The following CNBD1 variants were observed in gnomAD, a reference collection of about 807,000 sequenced individuals.
CNBD1 encodes the protein cyclic nucleotide binding domain containing 1.
CNBD1 carries 71 observed loss-of-function variants against 54.4 expected under a neutral mutation model. The observed-to-expected ratio is 1.30, with a 90% CI of 1.08 to 1.59. The LOEUF is 1.59. Ranked by LOEUF, CNBD1 falls within the 40% of genes most tolerant of loss-of-function variation. The pLI is 0.00. For synonymous variants in CNBD1, 182 were observed against 170.7 expected (o/e 1.07, Z -0.51); for missense variants, 659 against 518.0 (o/e 1.27, Z -2.64).
At chr8:87,428,584 G>T (rs1009284280) in exon 3 of CNBD1, 3 of 454,844 alleles carry the variant, frequency 6.6e-6, no homozygotes, top group African/African-American at 2.0e-5. Flanking sequence ...GCTCCAAACA[G>T]CTAAACCAAC....
chr8:87,189,467 A>C (rs536027253), intron 4 of CNBD1, among the ~76,000 whole-genome samples: 2 of 152,176 alleles, frequency 1.3e-5, no homozygotes, highest in East Asian at 3.8e-4. Flanking sequence ...ATATGCTACT[A>C]TAGTATTCTG....
At chr8:87,148,010 G>A (rs1461079158) in intron 4 of CNBD1, among the ~76,000 whole-genome samples, 3 of 152,156 alleles carry the variant, frequency 2.0e-5, no homozygotes, top group African/African-American at 4.8e-5. Flanking sequence ...TTTTCTTTTA[G>A]CATGTTAAAT....
intron 8 of CNBD1, among the ~76,000 whole-genome samples, chr8:87,291,498 C>T (rs10087136): frequency 0.24 from 35,986 of 151,818 alleles, 4,402 homozygotes; most frequent in South Asian, 0.28. Context: ...GTTACATATC[C>T]GCCTCCTTCT....
At chr8:87,224,759 G>T (rs1814438145) in intron 5 of CNBD1, among the ~76,000 whole-genome samples, 1 of 150,728 alleles carries the variant, frequency 6.6e-6, no homozygotes, top group African/African-American at 2.5e-5. Context: ...CTTTAAAGTA[G>T]TTTTTTCCAA....
intron 4 of CNBD1, among the ~76,000 whole-genome samples, chr8:87,135,305 A>C (rs955404710): frequency 6.6e-6 from 1 of 151,904 alleles, no homozygotes; most frequent in Admixed American, 6.6e-5. Context: ...TGGAAAAGCA[A>C]ATGTATTTAA....
rs1171895032 is a variant in CNBD1 at position 87,281,575 on chromosome 8, T to G, written c.772-3103T>G. On this transcript the variant is annotated intron_variant, in intron 6 of 10. Coordinates refer to ENST00000518476, the MANE Select transcript of CNBD1 (RefSeq NM_173538.3). ...ATATATATATATATATATATATATA[T>G]ATATATATATATATATATATATATA... 6.5e-4 allele frequency among the ~76,000 whole-genome samples: 35 copies of G among 53,712 alleles called. 1 individual carries two copies. Among genetic ancestry groups the G allele is most frequent in the Admixed American group, 1.9e-3 (11 of 5,746 alleles). 35.2% of individuals were successfully genotyped at this position (53,712 alleles called of 152,430 possible).
rs1808493781 is a variant in CNBD1 at position 86,874,989 on chromosome 8, TA to T, written c.88+8407del. ...TTATATTTGTTTGTAAATCAATTTATATATATATATATATATATATATATAT... is the reference window on the plus strand; with the variant it reads ...TTATATTTGTTTGTAAATCAATTTATTATATATATATATATATATATATAT... On this transcript the variant is annotated intron_variant, in intron 1 of 10. Coordinates refer to ENST00000518476, the MANE Select transcript of CNBD1 (RefSeq NM_173538.3). Among the ~76,000 whole-genome samples the T allele has an allele frequency of 1.1e-3, 17 of 15,718 alleles. 1 individual carries two copies. Among genetic ancestry groups the T allele is most frequent in the Admixed American group, 3.9e-3 (5 of 1,270 alleles). 10.3% of individuals were successfully genotyped at this position (15,718 alleles called of 152,430 possible). A position where few individuals can be genotyped will look rare whatever the true frequency, so the allele number is the denominator to read the frequency against.
At chr8:87,298,034 A>G (rs1278773287) in intron 8 of CNBD1, among the ~76,000 whole-genome samples, 1 of 151,888 alleles carries the variant, frequency 6.6e-6, no homozygotes, top group African/African-American at 2.4e-5. Context: ...TTATTAATAT[A>G]GATTTGTATA....
chr8:86,937,420 C>T (rs986249408), intron 3 of CNBD1, among the ~76,000 whole-genome samples: 3 of 152,098 alleles, frequency 2.0e-5, no homozygotes, highest in Admixed American at 6.6e-5. Context: ...ATTTCAAAAC[C>T]AATTGTACCT....
intron 8 of CNBD1, among the ~76,000 whole-genome samples, chr8:87,306,034 A>G (rs192738623): frequency 5.9e-5 from 9 of 152,300 alleles, no homozygotes; most frequent in Non-Finnish European, 1.3e-4. Flanking sequence ...TCCAGAATCT[A>G]CAACAAACTC....
At chr8:87,398,398 A>G (rs1345893314) in intron 2 of CNBD1, among the ~76,000 whole-genome samples, 3 of 151,832 alleles carry the variant, frequency 2.0e-5, no homozygotes, top group Non-Finnish European at 4.4e-5. Context: ...GTTCTACATG[A>G]GCCTATTTGT....
intron 5 of CNBD1, among the ~76,000 whole-genome samples, chr8:87,224,723 C>A (rs369576982): frequency 0.39 from 59,298 of 150,644 alleles, 12,988 homozygotes; most frequent in Non-Finnish European, 0.49. Context: ...CTTGGCGATG[C>A]GGGCTCTTTT....
chr8:86,917,584 G>A (rs1809207045), intron 3 of CNBD1, among the ~76,000 whole-genome samples: 1 of 152,158 alleles, frequency 6.6e-6, no homozygotes, highest in African/African-American at 2.4e-5. Context: ...TAGGACTCTG[G>A]GGAGGGGAAG....
intron 4 of CNBD1, among the ~76,000 whole-genome samples, chr8:87,122,830 T>C (rs1386704026): frequency 6.6e-6 from 1 of 151,912 alleles, no homozygotes; most frequent in African/African-American, 2.4e-5. Flanking sequence ...TTCCCCATTT[T>C]GTACTCTCAG....
At chr8:87,213,024 A>G (rs1163789871) in intron 5 of CNBD1, among the ~76,000 whole-genome samples, 1 of 152,170 alleles carries the variant, frequency 6.6e-6, no homozygotes, top group Non-Finnish European at 1.5e-5. Context: ...AATTAACCCA[A>G]TTTCGAAAAT....
intron 4 of CNBD1, among the ~76,000 whole-genome samples, chr8:86,983,941 G>A (rs545177893): frequency 6.6e-6 from 1 of 152,134 alleles, no homozygotes; most frequent in Non-Finnish European, 1.5e-5. Context: ...GAGAGGTTTA[G>A]CATTTGTTCA....
At chr8:87,267,647 T>C (rs1404897657) in intron 6 of CNBD1, among the ~76,000 whole-genome samples, 1 of 152,152 alleles carries the variant, frequency 6.6e-6, no homozygotes, top group Non-Finnish European at 1.5e-5. Flanking sequence ...AACAAAAGAA[T>C]GAATAAGTAA....
intron 1 of CNBD1, among the ~76,000 whole-genome samples, chr8:86,868,214 T>C (rs1808391286): frequency 6.6e-6 from 1 of 152,190 alleles, no homozygotes; most frequent in African/African-American, 2.4e-5. Context: ...TAAATAGGAA[T>C]GCACATTTAC....
At chr8:86,959,270 C>T (rs979036777) in intron 4 of CNBD1, among the ~76,000 whole-genome samples, 16 of 152,204 alleles carry the variant, frequency 1.1e-4, no homozygotes, top group Non-Finnish European at 1.5e-5. Context: ...TTCTCTCTGG[C>T]TGCCCTTAAC....
Sources: gnomAD v4.1 joint callset for allele counts (sites outside exome capture counted in the v4.1 genomes callset) on GRCh38, gnomAD v4.1.1 for gene constraint, MANE v1.5 for transcripts, NCBI Gene and HGNC (gene_info 2026-07-23, HGNC 2026-07-21) for gene names.